The following GNAL variants were observed in gnomAD, a reference collection of about 807,000 sequenced individuals.
GNAL encodes G protein subunit alpha L.
In GNAL, 18 loss-of-function variants were observed where a neutral mutation model predicts 55.1. The ratio of observed to expected loss-of-function variants is 0.33; its 90% confidence interval spans 0.23 to 0.48. The LOEUF (loss-of-function observed/expected upper bound fraction) is 0.48. GNAL is among the 20% of genes least tolerant of loss of function. GNAL has a pLI of 0.99. For synonymous variants in GNAL, 253 were observed against 237.0 expected, an observed-to-expected ratio of 1.07 and a Z score of -0.62; for missense variants, 412 against 614.1, an observed-to-expected ratio of 0.67 and a Z score of 3.48.
intron 4 of GNAL, among the ~76,000 whole-genome samples, chr18:11,757,939 G>T (rs971491123): frequency 2.0e-5 from 3 of 152,118 alleles, no homozygotes; most frequent in African/African-American, 7.2e-5. Flanking sequence ...ATGTGAGTGG[G>T]TGCAGGTGGC....
At chr18:11,747,499 G>C (rs1444479659) in intron 1 of GNAL, 1 of 155,240 alleles carries the variant, frequency 6.4e-6, no homozygotes, top group Admixed American at 6.5e-5. Flanking sequence ...ACCCAGTACC[G>C]CATGCCCACA....
chr18:11,753,751 A>G (rs1452910250), intron 3 of GNAL, 69 bp downstream of exon 3: 4 of 1,485,124 alleles, frequency 2.7e-6, no homozygotes, highest in South Asian at 2.3e-5. Context: ...CTGTGTAGAC[A>G]GAAATTACAT....
At position 11,818,703 on chromosome 18, in the gene GNAL, G is replaced by A. The variant is rs564131890; in HGVS notation, c.625-6215G>A. Among the ~76,000 whole-genome samples, 6 of 152,284 alleles carry A rather than the reference G, an allele frequency of 3.9e-5. No homozygotes were observed. The East Asian group carries it at 5.8e-4, about 15-fold the overall frequency. ...TCTGACCGAGGCTTTCACACGTGCCGGGACGCACCCTGAAACTTGGTTTCT... is the reference window on the plus strand; with the variant it reads ...TCTGACCGAGGCTTTCACACGTGCCAGGACGCACCCTGAAACTTGGTTTCT... On this transcript the variant is annotated intron_variant, in intron 4 of 11. Coordinates refer to ENST00000334049, the MANE Select transcript of GNAL (RefSeq NM_182978.4).
rs901005939 is a variant in GNAL at position 11,689,740 on chromosome 18, G to A, written c.177G>A (p.Gly59=). 3 of 1,505,382 alleles carry A rather than the reference G, an allele frequency of 2.0e-6. No individual in the cohort carries two copies. The African/African-American group carries it at 4.3e-5, about 22-fold the overall frequency. 93.3% of individuals were successfully genotyped at this position (1,505,382 alleles called of 1,614,324 possible). ...CCCTGCTCCCTCGGGGCGGCGAAGG[G>A]AGCCCGGCATGCGCTCGGCCCAAAG... ...ARTLLPRGGE[G]SPACARPKAD... Residue 59 remains glycine (G), a synonymous_variant, in exon 1 of 12, where the codon GGG becomes GGA. Coordinates refer to ENST00000334049, the MANE Select transcript of GNAL (RefSeq NM_182978.4).
chr18:11,693,210 ATC>A (rs1200611231), intron 1 of GNAL, among the ~76,000 whole-genome samples: 1 of 152,196 alleles, frequency 6.6e-6, no homozygotes, highest in Non-Finnish European at 1.5e-5. Flanking sequence ...TAGACTATGA[ATC>A]TGTGAAAAAC....
chr18:11,765,634 GCT>G (rs1348651843), intron 4 of GNAL, among the ~76,000 whole-genome samples: 12 of 152,170 alleles, frequency 7.9e-5, no homozygotes, highest in Admixed American at 7.2e-4. Flanking sequence ...CCACTTTTTA[GCT>G]CCCACATAGG....
intron 1 of GNAL, among the ~76,000 whole-genome samples, chr18:11,723,863 C>T (rs928656757): frequency 1.3e-5 from 2 of 152,236 alleles, no homozygotes; most frequent in African/African-American, 2.4e-5. Context: ...CTCTCCCCCA[C>T]TCTGCACAGA....
rs544023476 is a variant in GNAL, at chr18:11,809,798, G to T, written c.625-15120G>T. On this transcript the variant is annotated intron_variant, in intron 4 of 11. Coordinates refer to ENST00000334049, the MANE Select transcript of GNAL (RefSeq NM_182978.4). ...TAAAACTTGAAATATTTGAGTCCAA[G>T]AACTGGAAGAAGTATTTAAGATTAT... is the stretch of plus-strand genomic sequence containing the variant. Among the ~76,000 whole-genome samples, 5 of 152,308 alleles carry T rather than the reference G, an allele frequency of 3.3e-5. No homozygotes were observed. The East Asian group carries it at 9.6e-4, about 29-fold the overall frequency.
chr18:11,700,190 T>G (rs891757595), intron 1 of GNAL, among the ~76,000 whole-genome samples: 1 of 152,202 alleles, frequency 6.6e-6, no homozygotes, highest in Admixed American at 6.5e-5. Flanking sequence ...CATAAGCTGA[T>G]GGCCCTACTC....
intron 11 of GNAL, among the ~76,000 whole-genome samples, chr18:11,877,967 C>CT (rs1418214551): frequency 2.6e-5 from 4 of 152,198 alleles, no homozygotes; most frequent in Admixed American, 2.6e-4. Flanking sequence ...GCAAGAGAGC[C>CT]TTTACTTAAG....
rs189320230 is a variant in GNAL at position 11,741,810 on chromosome 18, C to T, written c.377-11043C>T. ...GCTGTCATCAGGAGACTCTCTCCCA[C>T]AATTGCTGTGCTGAAAATTCTACAT... On this transcript the variant is annotated intron_variant, in intron 1 of 11. Coordinates refer to ENST00000334049, the MANE Select transcript of GNAL (RefSeq NM_182978.4). Among the ~76,000 whole-genome samples the T allele has an allele frequency of 3.1e-4, 47 of 152,336 alleles. 1 individual carries two copies. Among genetic ancestry groups the T allele is most frequent in the African/African-American group, 8.9e-4 (37 of 41,568 alleles).
At chr18:11,822,820 CTTTTTTTTTTTTT>C (rs56128456) in intron 4 of GNAL, among the ~76,000 whole-genome samples, 1 of 139,708 alleles carries the variant, frequency 7.2e-6, no homozygotes, top group African/African-American at 2.8e-5. Context: ...TTTTTTTTTT[CTTTTTTTTTTTTT>C]TTTTTTGACC....
Position 11,752,531 on chromosome 18 carries a change from A to T in GNAL, c.377-322A>T. The T allele has an allele frequency of 6.2e-7, 1 of 1,613,178 alleles. No homozygotes were observed. Among genetic ancestry groups the T allele is most frequent in the Non-Finnish European group, 8.5e-7 (1 of 1,179,614 alleles). On this transcript the variant is annotated intron_variant, in intron 1 of 11. Coordinates refer to ENST00000334049, the MANE Select transcript of GNAL (RefSeq NM_182978.4). This position sits in a 1 kb window ranked among gnomAD's most constrained non-coding sequence, Gnocchi z 4.5. ...AACAAAAAGATCGAGAAGCAGTTGC[A>T]GAAAGAGCGCCTGGCTTACAAGGCT... is the stretch of plus-strand genomic sequence containing the variant.
At chr18:11,863,118 A>G (rs2036185673) in intron 6 of GNAL, among the ~76,000 whole-genome samples, 2 of 152,240 alleles carry the variant, frequency 1.3e-5, no homozygotes, top group African/African-American at 4.8e-5. Flanking sequence ...ACCTCAAGTG[A>G]TACACCTGCC....
intron 4 of GNAL, among the ~76,000 whole-genome samples, chr18:11,811,673 T>C (rs1332403204): frequency 6.6e-6 from 1 of 152,240 alleles, no homozygotes; most frequent in Non-Finnish European, 1.5e-5. Context: ...CTATAGTCAC[T>C]GTCAGCAAGA....
At chr18:11,832,355 G>A (rs966863647) in intron 5 of GNAL, among the ~76,000 whole-genome samples, 2 of 152,028 alleles carry the variant, frequency 1.3e-5, no homozygotes, top group African/African-American at 4.8e-5. Flanking sequence ...AAAGAGCAGC[G>A]AAAAAAGTCA....
At chr18:11,788,897 G>GAAAAAAAAAAAAAAAA (rs1162398867) in intron 4 of GNAL, among the ~76,000 whole-genome samples, 2 of 82,516 alleles carry the variant, frequency 2.4e-5, no homozygotes, top group East Asian at 4.2e-4. Context: ...ACTCCGTCTC[G>GAAAAAAAAAAAAAAAA]AAAAAAAAAA....
chr18:11,856,939 AAAAT>A (rs1418732670), intron 5 of GNAL, among the ~76,000 whole-genome samples: 2 of 152,212 alleles, frequency 1.3e-5, no homozygotes, highest in Non-Finnish European at 2.9e-5. Flanking sequence ...CAAAAAAATA[AAAAT>A]AAATAGTTTT....
At chr18:11,814,506 C>T (rs745464339) in intron 4 of GNAL, among the ~76,000 whole-genome samples, 2 of 151,256 alleles carry the variant, frequency 1.3e-5, no homozygotes, top group African/African-American at 2.4e-5. Context: ...CCAGCCTGGG[C>T]GACAGAGCAA....
Sources: gnomAD v4.1 joint callset for allele counts (sites outside exome capture counted in the v4.1 genomes callset) on GRCh38, gnomAD v4.1.1 for gene constraint, Gnocchi (gnomAD v3.1) non-coding constraint, MANE v1.5 for transcripts, NCBI Gene and HGNC (gene_info 2026-07-23, HGNC 2026-07-21) for gene names.